Variants in HR observed in about 807,000 individuals in gnomAD.
The protein encoded by HR is lysine-specific demethylase hairless.
HR carries 83 observed loss-of-function variants against 128.6 expected under a neutral mutation model. That is an observed-to-expected ratio of 0.65 (90% CI 0.54 to 0.77). The LOEUF (loss-of-function observed/expected upper bound fraction) is 0.77. Ranked by LOEUF, HR falls within the 30% of genes least tolerant of loss-of-function variation. The pLI is 0.00. For missense variants in HR, 1,490 were observed against 1,574.6 expected, an observed-to-expected ratio of 0.95 and a Z score of 0.91; for synonymous variants, 681 against 658.2, an observed-to-expected ratio of 1.03 and a Z score of -0.53.
chr8:22,129,047 A>C lies in HR; in HGVS notation c.124T>G (p.Cys42Gly). The C allele has an allele frequency of 1.9e-6, 3 of 1,601,558 alleles. No individual in the cohort carries two copies. The highest frequency in any genetic ancestry group is 2.6e-6 in the Non-Finnish European group (3 of 1,173,444). Residue 42 changes from cysteine to glycine, a missense_variant, in exon 2 of 19, where the codon TGC becomes GGC. Physicochemically the swap from Cys to Gly is radical, Grantham distance 159. Around this residue, in one of 3 missense-constraint regions of HR, gnomAD observed 1,060 missense variants for 1,060.9 expected, o/e 1.00. Coordinates refer to ENST00000381418, the MANE Select transcript of HR (RefSeq NM_005144.5). ...PRDGLHHGPL[C>G]LGEPAPFWRG... ...CAAAAGGGAGCAGGCTCTCCCAGGCACAGCGGCCCATGGTGCAGTCCATCT... is the reference window on the plus strand; with the variant it reads ...CAAAAGGGAGCAGGCTCTCCCAGGCCCAGCGGCCCATGGTGCAGTCCATCT...
At position 22,125,589 on chromosome 8, in the gene HR, C is replaced by G. The variant is rs1200431348; in HGVS notation, c.1549G>C (p.Val517Leu). The change falls in exon 4 of 19, where the codon GTG becomes CTG. Residue 517 changes from valine to leucine, a missense_variant. Physicochemically the swap from Val to Leu is conservative, Grantham distance 32. Coordinates refer to ENST00000381418, the MANE Select transcript of HR (RefSeq NM_005144.5). ...GGGHACHSQQ[V>L]RRSPLGGELQ... is the part of the protein sequence containing the mutation. ...CCAGGGGCAATGGCTCACCTCCGCACTTGCTGAGAGTGGCAGGCGTGCCCT... is the reference window on the plus strand; with the variant it reads ...CCAGGGGCAATGGCTCACCTCCGCAGTTGCTGAGAGTGGCAGGCGTGCCCT... 6.2e-6 allele frequency: 10 copies of G among 1,613,054 alleles called. No homozygotes were observed. The highest frequency in any genetic ancestry group is 8.5e-6 in the Non-Finnish European group (10 of 1,179,720).
chr8:22,121,596 C>T lies in HR; in HGVS notation c.2203+17G>A. The T allele has an allele frequency of 6.2e-7, 1 of 1,613,228 alleles. No homozygotes were observed. The highest frequency in any genetic ancestry group is 2.2e-5 in the East Asian group (1 of 44,876). The stretch of plus-strand genomic sequence containing the variant: ...CCTCCCTCTTGCACAGGCCGAGGGG[C>T]AAGAGGAGCCGCTCACCCTCTTTGA... On this transcript the variant is annotated intron_variant, in intron 9 of 18. Transcript: ENST00000381418.
chr8:22,115,816 G>A (rs372881638), intron 18 of HR, 54 bp from the exon 19 acceptor site: 9 of 1,532,312 alleles, frequency 5.9e-6, no homozygotes, highest in Middle Eastern at 1.7e-4. Context: ...GGGCCCACCC[G>A]CTGTCCCCCA....
At chr8:22,124,716 C>T (rs1249157670) in intron 5 of HR, among the ~76,000 whole-genome samples, 1 of 152,180 alleles carries the variant, frequency 6.6e-6, no homozygotes, top group Admixed American at 6.5e-5. Context: ...AAGGGAGGAG[C>T]AGGGCATTCC....
At chr8:22,126,702 C>T (rs1826898511) in intron 3 of HR, among the ~76,000 whole-genome samples, 1 of 152,184 alleles carries the variant, frequency 6.6e-6, no homozygotes, top group African/African-American at 2.4e-5. Context: ...GTAACTGAGG[C>T]CCAGAGAGGC....
rs1826974868 is a variant in HR, at chr8:22,128,900, G to A, written c.271C>T (p.Leu91=). 2 of 1,613,532 alleles carry A rather than the reference G, an allele frequency of 1.2e-6. No homozygotes were observed. The highest frequency in any genetic ancestry group is 2.2e-5 in the South Asian group (2 of 91,090). Residue 91 remains leucine, a synonymous_variant, in exon 2 of 19, where the codon CTG becomes TTG. Coordinates refer to ENST00000381418, the MANE Select transcript of HR (RefSeq NM_005144.5). ...PQNGERKVNW[L]GSKEGLRWKE... ...CAGCGCAGTCCCTCTTTGCTGCCCAGCCAGTTGACCTTCCTCTCCCCATTC... is the reference window on the plus strand; with the variant it reads ...CAGCGCAGTCCCTCTTTGCTGCCCAACCAGTTGACCTTCCTCTCCCCATTC...
At position 22,121,140 on chromosome 8, in the gene HR, A is replaced by G. The variant is rs1038060015; in HGVS notation, c.2292T>C (p.Ser764=). 3 of 1,613,826 alleles carry G rather than the reference A, an allele frequency of 1.9e-6. No homozygotes were observed. The highest frequency in any genetic ancestry group is 2.7e-5 in the African/African-American group (2 of 74,954). ...GGCCCAAGCAGAGTTTGACCGCGGT[A>G]GAAGCCAGCAGTTCGCAGAGAGAAG... is the stretch of plus-strand genomic sequence containing the variant. ...PCPSLCELLA[S]TAVKLCLGHE... The change falls in exon 10 of 19, where the codon TCT becomes TCC. Residue 764 remains serine (S), a synonymous_variant. Transcript: ENST00000381418.
intron 5 of HR, among the ~76,000 whole-genome samples, chr8:22,124,925 A>G (rs908637073): frequency 6.6e-6 from 1 of 152,222 alleles, no homozygotes. Context: ...CCAAAGACTG[A>G]CCAGCAGCCT....
Position 22,122,764 on chromosome 8 carries a change from C to G in HR, c.2005+26G>C, listed in dbSNP as rs76286275. 3.2e-6 allele frequency: 5 copies of G among 1,545,482 alleles called. No individual in the cohort carries two copies. The African/African-American group carries it at 6.9e-5, about 21-fold the overall frequency. On this transcript the variant is annotated intron_variant, in intron 7 of 18. Transcript: ENST00000381418. ...TCTCCCTCAGGACCCAACCTCTGCA[C>G]GCCCCACCCCTCCAAGATGGCTCAC...
In HR at chr8:22,123,714, C is replaced by A; in HGVS notation, c.1850G>T (p.Cys617Phe). ...LFNTHWRCPR[C>F]SHRLCVACGR... ...ACAGGCCACACACAGCCGGTGGCTG[C>A]AGCGGGGACATCGCCAGTGGGTGTT... Residue 617 changes from cysteine (C) to phenylalanine (F), a missense_variant, in exon 6 of 19, where the codon TGC becomes TTC. Physicochemically the swap from Cys to Phe is radical, Grantham distance 205. Coordinates refer to ENST00000381418, the MANE Select transcript of HR (RefSeq NM_005144.5). 4.4e-6 allele frequency: 7 copies of A among 1,574,044 alleles called. No individual in the cohort carries two copies. The highest frequency in any genetic ancestry group is 6.0e-6 in the Non-Finnish European group (7 of 1,165,616).
chr8:22,128,772 A>G lies in HR; in HGVS notation c.399T>C (p.Ser133=), dbSNP rs752466435. ...MPEHSGGHLK[S]DPVAFRPWHC... is the part of the protein sequence containing the mutation. ...GCCAGGGCCGGAAGGCCACAGGGTC[A>G]CTCTTGAGATGGCCACCACTATGCT... The change falls in exon 2 of 19, where the codon AGT becomes AGC. Residue 133 remains serine, a synonymous_variant. Coordinates refer to ENST00000381418, the MANE Select transcript of HR (RefSeq NM_005144.5). 14 of 1,609,052 alleles carry G rather than the reference A, an allele frequency of 8.7e-6. No individual in the cohort carries two copies. The highest frequency in any genetic ancestry group is 1.7e-5 in the Admixed American group (1 of 59,108).
chr8:22,129,773 G>A (rs1464759140), intron 1 of HR, among the ~76,000 whole-genome samples: 1 of 152,190 alleles, frequency 6.6e-6, no homozygotes, highest in East Asian at 1.9e-4. Flanking sequence ...TGGAGTCGCT[G>A]GGGAACGCTG....
rs1451113937 is a variant in HR at position 22,128,868 on chromosome 8, C to T, written c.303G>A (p.Glu101=). 13 of 1,613,426 alleles carry T rather than the reference C, an allele frequency of 8.1e-6. No homozygotes were observed. Among genetic ancestry groups the T allele is most frequent in the Non-Finnish European group, 1.1e-5 (13 of 1,180,024 alleles). Residue 101 remains glutamate, a synonymous_variant, in exon 2 of 19, where the codon GAG becomes GAA. Coordinates refer to ENST00000381418, the MANE Select transcript of HR (RefSeq NM_005144.5). ...ATGCCAGCGGATGGGTAAGCATGGC[C>T]TCCTTCCAGCGCAGTCCCTCTTTGC... ...LGSKEGLRWK[E]AMLTHPLAFC...
rs1288245582 is a variant in HR at position 22,125,721 on chromosome 8, C to T, written c.1417G>A (p.Gly473Ser). ...CCCGGGTCCTGGAGACTGGCCTGGC[C>T]ATCTTGGGGTCCTGAGGGGACAATG... ...QHDEQKGPQD[G>S]QASLQDPGLQ... The change falls in exon 4 of 19, where the codon GGC (glycine) becomes AGC (serine). Residue 473 changes from glycine (G) to serine (S), a missense_variant. Coordinates refer to ENST00000381418, the MANE Select transcript of HR (RefSeq NM_005144.5). The T allele has an allele frequency of 3.1e-6, 5 of 1,613,688 alleles. No individual in the cohort carries two copies. The highest frequency in any genetic ancestry group is 4.2e-6 in the Non-Finnish European group (5 of 1,180,016).
chr8:22,123,273 G>A (rs1172763469), intron 6 of HR, among the ~76,000 whole-genome samples: 1 of 152,212 alleles, frequency 6.6e-6, no homozygotes, highest in Admixed American at 6.5e-5. Context: ...CTAAGTCCTG[G>A]CTGCAACACG....
At chr8:22,123,178 T>G (rs1258185991) in intron 6 of HR, among the ~76,000 whole-genome samples, 1 of 152,200 alleles carries the variant, frequency 6.6e-6, no homozygotes, top group Non-Finnish European at 1.5e-5. Context: ...CAGGGAAATT[T>G]CAAGCTCTCC....
intron 1 of HR, 21 bp downstream of exon 1, chr8:22,130,407 C>T (rs1176954328): frequency 6.6e-6 from 1 of 152,298 alleles, no homozygotes; most frequent in Non-Finnish European, 1.5e-5. Context: ...TGTCCCCAGA[C>T]GGCGCGCTCC....
In HR at chr8:22,129,272, G is replaced by A. The variant is rs184646772; in HGVS notation, c.-40-62C>T. 3.5e-6 allele frequency: 5 copies of A among 1,409,930 alleles called. No individual in the cohort carries two copies. In the East Asian group the frequency reaches 1.2e-4, roughly 33 times the overall value. 87.3% of individuals were successfully genotyped at this position (1,409,930 alleles called of 1,614,324 possible). A position where few individuals can be genotyped will look rare whatever the true frequency, so the allele number is the denominator to read the frequency against. ...ACATGTCCCAAGCACCTTACAGCCTGGCACAGAGTGGGCACCGCCCTGGCA... is the reference window on the plus strand; with the variant it reads ...ACATGTCCCAAGCACCTTACAGCCTAGCACAGAGTGGGCACCGCCCTGGCA... On this transcript the variant is annotated intron_variant, in intron 1 of 18. Transcript: ENST00000381418.
chr8:22,118,973 G>A lies in HR; in HGVS notation c.3190C>T (p.Arg1064Cys), dbSNP rs374479211. ...WHVFRAQDAQ[R>C]IRRFLQMVCP... ...ACCATCTGGAGAAAGCGGCGGATGC[G>A]CTGGGCGTCCTGTGCCCGGAACACG... Residue 1064 changes from arginine (R) to cysteine (C), a missense_variant, in exon 16 of 19, where the codon CGC (arginine) becomes TGC (cysteine). Arg to Cys is a radical substitution (Grantham distance 180, BLOSUM62 -3). Around this residue, in one of 3 missense-constraint regions of HR, gnomAD observed 423 missense variants for 495.9 expected, o/e 0.85. Coordinates refer to ENST00000381418, the MANE Select transcript of HR (RefSeq NM_005144.5). The A allele has an allele frequency of 1.9e-5, 30 of 1,611,926 alleles. 2 individuals are homozygous for A. The highest frequency in any genetic ancestry group is 1.8e-4 in the South Asian group (16 of 91,038).
Sources: gnomAD v4.1 joint callset for allele counts (sites outside exome capture counted in the v4.1 genomes callset) on GRCh38, gnomAD v4.1.1 for gene constraint, gnomAD v4.1.1 regional missense constraint, MANE v1.5 for transcripts, NCBI Gene and HGNC (gene_info 2026-07-23, HGNC 2026-07-21) for gene names.